Variants in TMOD2 observed in about 807,000 individuals in gnomAD.
The protein encoded by TMOD2 is tropomodulin-2.
TMOD2 carries 22 observed loss-of-function variants against 39.9 expected under a neutral mutation model. The ratio of observed to expected loss-of-function variants is 0.55; its 90% confidence interval spans 0.39 to 0.79. The LOEUF (loss-of-function observed/expected upper bound fraction) is 0.79. Ranked by LOEUF, TMOD2 falls within the 30% of genes least tolerant of loss-of-function variation. The probability of loss-of-function intolerance (pLI) is 0.00; values close to 1 mark genes in which losing one functional copy is unlikely to be tolerated. For missense variants in TMOD2, 386 were observed against 413.3 expected (o/e 0.93, Z 0.57); for synonymous variants, 123 against 146.1 (o/e 0.84, Z 1.14).
At chr15:51,752,779 G>A (rs1277544878) in intron 1 of TMOD2, 3 of 152,220 alleles carry the variant, frequency 2.0e-5, no homozygotes, top group Non-Finnish European at 2.9e-5. Context: ...CCCTAGTGAG[G>A]AGGAAAGATT....
Position 51,812,955 on chromosome 15 carries a change from G to A in TMOD2, c.*4501G>A, listed in dbSNP as rs1457710819. On this transcript the variant is annotated 3_prime_UTR_variant, in exon 10 of 10. Transcript: ENST00000249700. ...CTAAAGTACTGAGATGCACACAAAG[G>A]AAAGGTGTGAGAGTGCTTGGAAGCA... The A allele has an allele frequency of 1.3e-5, 2 of 152,196 alleles. No homozygotes were observed. Among genetic ancestry groups the A allele is most frequent in the Non-Finnish European group, 2.9e-5 (2 of 68,044 alleles). 9.4% of individuals were successfully genotyped at this position (152,196 alleles called of 1,614,324 possible).
chr15:51,767,178 ACCATGC>A (rs1172324935), intron 2 of TMOD2: 2 of 152,066 alleles, frequency 1.3e-5, no homozygotes, highest in African/African-American at 4.8e-5. Flanking sequence ...GACACATGCC[ACCATGC>A]CTGGCTGATT....
chr15:51,781,222 G>A (rs1176820886), intron 6 of TMOD2, 48 bp downstream of exon 6: 1 of 1,538,662 alleles, frequency 6.5e-7, no homozygotes, highest in African/African-American at 1.4e-5. Flanking sequence ...CATGAGGTCA[G>A]AAAACTTACC....
At chr15:51,775,570 C>CTTTTTTTTTTTTTT (rs869308022) in intron 4 of TMOD2, among the ~76,000 whole-genome samples, 2 of 81,212 alleles carry the variant, frequency 2.5e-5, no homozygotes, top group Non-Finnish European at 4.3e-5. Flanking sequence ...ATTCTTTTTC[C>CTTTTTTTTTTTTTT]TTTTTTTTTT....
At chr15:51,751,964 C>G (rs2055707281) in intron 1 of TMOD2, among the ~76,000 whole-genome samples, 2 of 151,368 alleles carry the variant, frequency 1.3e-5, no homozygotes, top group Admixed American at 6.6e-5. Context: ...TCCCGCGCCC[C>G]GCACTGCGGT....
chr15:51,764,576 G>A (rs1273039543), intron 1 of TMOD2, among the ~76,000 whole-genome samples: 1 of 152,130 alleles, frequency 6.6e-6, no homozygotes, highest in Non-Finnish European at 1.5e-5. Flanking sequence ...AGAAGCTGTG[G>A]TGGCTTGCCA....
At chr15:51,790,373 C>T (rs2056002201) in intron 7 of TMOD2, among the ~76,000 whole-genome samples, 1 of 152,044 alleles carries the variant, frequency 6.6e-6, no homozygotes, top group Non-Finnish European at 1.5e-5. Flanking sequence ...AATAGCCTAC[C>T]AATCAAAAAG....
intron 7 of TMOD2, among the ~76,000 whole-genome samples, chr15:51,788,137 A>G (rs2055983756): frequency 1.3e-5 from 2 of 152,230 alleles, no homozygotes; most frequent in Non-Finnish European, 2.9e-5. Context: ...ACCAGTGTAG[A>G]GAAGAGCTTA....
chr15:51,790,862 A>T (rs1017500077), intron 7 of TMOD2, among the ~76,000 whole-genome samples: 2 of 152,148 alleles, frequency 1.3e-5, no homozygotes, highest in Non-Finnish European at 2.9e-5. Flanking sequence ...TCTCAACATA[A>T]TAAGAGCTGT....
intron 1 of TMOD2, among the ~76,000 whole-genome samples, chr15:51,755,693 C>T (rs1391372794): frequency 6.6e-6 from 1 of 152,144 alleles, no homozygotes; most frequent in African/African-American, 2.4e-5. Context: ...ACCATTCTGA[C>T]TGGGCAGTGT....
At chr15:51,779,952 G>A (rs1479852999) in intron 5 of TMOD2, among the ~76,000 whole-genome samples, 2 of 152,182 alleles carry the variant, frequency 1.3e-5, no homozygotes, top group African/African-American at 2.4e-5. Flanking sequence ...AAAGTGCTGG[G>A]ATTATAGGTG....
chr15:51,802,266 G>C (rs982556991), intron 8 of TMOD2, among the ~76,000 whole-genome samples: 16 of 151,356 alleles, frequency 1.1e-4, no homozygotes, highest in African/African-American at 3.9e-4. Flanking sequence ...TCCTATTTTT[G>C]ATTCCAGATT....
Position 51,781,043 on chromosome 15 carries a change from G to A in TMOD2, c.494-1G>A. ...TTTTAAAATGAAAACTTGTGTTTTAGATGTTGTCAAAGGTGAAAAAGTAAA... is the reference window on the plus strand; with the variant it reads ...TTTTAAAATGAAAACTTGTGTTTTAAATGTTGTCAAAGGTGAAAAAGTAAA... On this transcript the variant is annotated splice_acceptor_variant, in intron 5 of 9. Coordinates refer to ENST00000249700, the MANE Select transcript of TMOD2 (RefSeq NM_014548.4). LOFTEE classifies it high-confidence loss of function. 1 of 1,588,818 alleles carries A rather than the reference G, an allele frequency of 6.3e-7. No homozygotes were observed. Among genetic ancestry groups the A allele is most frequent in the South Asian group, 1.2e-5 (1 of 86,244 alleles).
At chr15:51,806,711 A>G (rs924683889) in intron 9 of TMOD2, among the ~76,000 whole-genome samples, 190 bp downstream of exon 9, 5 of 152,226 alleles carry the variant, frequency 3.3e-5, no homozygotes, top group South Asian at 4.1e-4. Context: ...AAGTTTCATC[A>G]TAGCATTTTC....
chr15:51,752,286 A>G (rs1339304811), intron 1 of TMOD2, among the ~76,000 whole-genome samples: 3 of 152,164 alleles, frequency 2.0e-5, no homozygotes, highest in African/African-American at 7.2e-5. Flanking sequence ...TTTTCTGGTT[A>G]AAGTAATTGT....
chr15:51,791,175 A>G (rs1056848247), intron 7 of TMOD2, among the ~76,000 whole-genome samples: 7 of 152,270 alleles, frequency 4.6e-5, no homozygotes, highest in Non-Finnish European at 8.8e-5. Context: ...TATAAAATCA[A>G]TGTGCAAAAA....
intron 7 of TMOD2, among the ~76,000 whole-genome samples, chr15:51,796,823 G>T (rs1304251677): frequency 6.6e-6 from 1 of 152,168 alleles, no homozygotes; most frequent in Non-Finnish European, 1.5e-5. Flanking sequence ...ACATAGGCAA[G>T]GGGACTGCGT....
intron 7 of TMOD2, among the ~76,000 whole-genome samples, chr15:51,790,060 T>A (rs933335458): frequency 6.6e-6 from 1 of 152,014 alleles, no homozygotes; most frequent in African/African-American, 2.4e-5. Flanking sequence ...AAAAAATCAA[T>A]GAATCCAGGA....
chr15:51,774,847 G>A (rs567203592), intron 4 of TMOD2, among the ~76,000 whole-genome samples: 1 of 152,092 alleles, frequency 6.6e-6, no homozygotes, highest in East Asian at 1.9e-4. Flanking sequence ...AGAATGCAGG[G>A]CTGAACTTGA....
Sources: gnomAD v4.1 joint callset for allele counts (sites outside exome capture counted in the v4.1 genomes callset) on GRCh38, gnomAD v4.1.1 for gene constraint, MANE v1.5 for transcripts, NCBI Gene and HGNC (gene_info 2026-07-23, HGNC 2026-07-21) for gene names.